The following WNT5A variants were observed in gnomAD, a reference collection of about 807,000 sequenced individuals.
WNT5A encodes the protein Wnt family member 5A, also known as protein Wnt-5a.
Under a neutral mutation model 42.1 loss-of-function variants are expected in WNT5A, and 9 were observed. The ratio of observed to expected loss-of-function variants is 0.21; its 90% confidence interval spans 0.13 to 0.37. WNT5A has a LOEUF of 0.37. Among genes scored for constraint, WNT5A ranks in the 10% least tolerant of loss-of-function variants. The pLI is 1.00. For synonymous variants in WNT5A, 210 were observed against 210.0 expected, an observed-to-expected ratio of 1.00 and a Z score of 0.00; for missense variants, 426 against 534.0, an observed-to-expected ratio of 0.80 and a Z score of 1.99.
intron 3 of WNT5A, among the ~76,000 whole-genome samples, chr3:55,477,307 C>T (rs149893825): frequency 1.3e-5 from 2 of 152,338 alleles, no homozygotes; most frequent in African/African-American, 4.8e-5. Flanking sequence ...TTTCTCTTCT[C>T]TCCTGTCTCT....
chr3:55,482,214 GCGAAGGTTCCCTTC>G (rs1387915073), intron 1 of WNT5A, among the ~76,000 whole-genome samples: 1 of 152,242 alleles, frequency 6.6e-6, no homozygotes, highest in Non-Finnish European at 1.5e-5. Flanking sequence ...GCCCCCAGCG[GCGAAGGTTCCCTTC>G]CTGAAGAATT....
chr3:55,485,361 C>CG (rs1037661106), intron 1 of WNT5A, among the ~76,000 whole-genome samples: 5 of 151,404 alleles, frequency 3.3e-5, no homozygotes, highest in Admixed American at 2.6e-4. Context: ...CCGGAGCGCA[C>CG]GGGGGAGGGG....
At chr3:55,481,464 GAC>G in intron 1 of WNT5A, 2 of 430,830 alleles carry the variant, frequency 4.6e-6, no homozygotes, top group Non-Finnish European at 6.2e-6. Context: ...ATGGGGGCAG[GAC>G]GCGGGAGGGA....
At chr3:55,480,548 T>C (rs941210929) in intron 2 of WNT5A, among the ~76,000 whole-genome samples, 15 of 152,256 alleles carry the variant, frequency 9.9e-5, no homozygotes, top group Admixed American at 6.5e-4. Flanking sequence ...AAGGGCTTCA[T>C]AGAAACAGGC....
At chr3:55,491,608 T>C (rs1254916368), upstream of WNT5A, among the ~76,000 whole-genome samples, 1 of 152,218 alleles carries the variant, frequency 6.6e-6, no homozygotes, top group Non-Finnish European at 1.5e-5. Context: ...GTTGTCATTC[T>C]GGGAAAATCT....
the WNT5A span, among the ~76,000 whole-genome samples, chr3:55,497,871 G>C: frequency 3.3e-5 from 5 of 152,184 alleles, no homozygotes; most frequent in African/African-American, 1.2e-4. Context: ...GAAAAGGATG[G>C]AGAAGGGAAT....
At position 55,480,841 on chromosome 3, in the gene WNT5A, C is replaced by A; in HGVS notation, c.84G>T (p.Val28=). The change falls in exon 2 of 5, where the codon GTG becomes GTT. Residue 28 remains valine, a synonymous_variant. Coordinates refer to ENST00000264634, the MANE Select transcript of WNT5A (RefSeq NM_003392.7). ...GSAMSSKFFL[V]ALAIFFSFAQ... is the part of the protein sequence containing the mutation. ...CGAAGGAGAAAAATATGGCCAAAGCCACTAGGAAGAACTTGGAAGACATTG... is the reference window on the plus strand; with the variant it reads ...CGAAGGAGAAAAATATGGCCAAAGCAACTAGGAAGAACTTGGAAGACATTG... 1 of 1,585,330 alleles carries A rather than the reference C, an allele frequency of 6.3e-7. No individual in the cohort carries two copies. The highest frequency in any genetic ancestry group is 8.6e-7 in the Non-Finnish European group (1 of 1,164,494).
At chr3:55,481,176 T>C in intron 1 of WNT5A, 1 of 663,638 alleles carries the variant, frequency 1.5e-6, no homozygotes, top group Non-Finnish European at 2.0e-6. Context: ...GTGTCTCAAT[T>C]CTGTTGAGTC....
the WNT5A span, among the ~76,000 whole-genome samples, chr3:55,498,990 A>G: frequency 2.6e-5 from 4 of 152,182 alleles, no homozygotes; most frequent in African/African-American, 9.7e-5. Flanking sequence ...CTCGGGTCCA[A>G]TTGTGCCTAA....
chr3:55,483,259 G>A lies in WNT5A; in HGVS notation c.7-2341C>T, dbSNP rs1186048475. On this transcript the variant is annotated intron_variant, in intron 1 of 4. Coordinates refer to ENST00000264634, the MANE Select transcript of WNT5A (RefSeq NM_003392.7). This position sits in a 1 kb window ranked among gnomAD's most constrained non-coding sequence, Gnocchi z 4.2. ...AGGTAGGCAGAGGGTGTCCCAAAGG[G>A]GGATCGGAAAGGAGAGCCTCACGAG... Among the ~76,000 whole-genome samples, 2 of 152,118 alleles carry A rather than the reference G, an allele frequency of 1.3e-5. No individual in the cohort carries two copies. Among genetic ancestry groups the A allele is most frequent in the African/African-American group, 2.4e-5 (1 of 41,422 alleles).
chr3:55,479,586 A>G (rs1487206147), intron 2 of WNT5A, 22 bp from the exon 3 acceptor site: 2 of 1,553,572 alleles, frequency 1.3e-6, no homozygotes, highest in Non-Finnish European at 1.7e-6. Context: ...GGAGATGTGC[A>G]TTCAAGATTT....
rs746452310 is a variant in WNT5A at position 55,486,995 on chromosome 3, G to A, written c.-10C>T. On this transcript the variant is annotated 5_prime_UTR_variant, in exon 1 of 5. Transcript: ENST00000264634. ...GAACACCTACCTTCATGGCGAGGGG[G>A]AGGGGGCGCGGGGAGGAAGTCGCCA... 1 of 1,611,486 alleles carries A rather than the reference G, an allele frequency of 6.2e-7. No individual in the cohort carries two copies. The highest frequency in any genetic ancestry group is 1.1e-5 in the South Asian group (1 of 90,936).
intron 1 of WNT5A, among the ~76,000 whole-genome samples, chr3:55,484,486 AT>A (rs987541412): frequency 6.6e-5 from 10 of 152,282 alleles, no homozygotes; most frequent in Middle Eastern, 3.4e-3. Context: ...GGAGGAGGGA[AT>A]TGCCAGATAG....
rs767520445 is a variant in WNT5A, at chr3:55,487,017, G to T, written c.-32C>A. The T allele has an allele frequency of 2.5e-6, 4 of 1,608,566 alleles. No individual in the cohort carries two copies. The highest frequency in any genetic ancestry group is 4.5e-5 in the East Asian group (2 of 44,852). ...GGGGAGGGGGCGCGGGGAGGAAGTC[G>T]CCACCCGAGCGAGCGCAGCCGAGGA... is the stretch of plus-strand genomic sequence containing the variant. On this transcript the variant is annotated 5_prime_UTR_variant, in exon 1 of 5. Transcript: ENST00000264634.
At chr3:55,481,477 A>C (rs2051462225) in intron 1 of WNT5A, 7 of 127,584 alleles carry the variant, frequency 5.5e-5, no homozygotes, top group East Asian at 2.5e-4. Context: ...GCGGGAGGGA[A>C]GGGCAGGGGG....
chr3:55,482,598 G>C (rs945737384), intron 1 of WNT5A, among the ~76,000 whole-genome samples: 1 of 152,144 alleles, frequency 6.6e-6, no homozygotes, highest in Admixed American at 6.5e-5. Flanking sequence ...TGGACGCTTC[G>C]GGGCTTCTCA....
At chr3:55,497,941 TTTGTCCTCTAC>T in the WNT5A span, among the ~76,000 whole-genome samples, 1 of 152,168 alleles carries the variant, frequency 6.6e-6, no homozygotes, top group South Asian at 2.1e-4. Flanking sequence ...GAGAATTACA[TTTGTCCTCTAC>T]TTGTCATCTA....
At chr3:55,480,146 G>C (rs1291573903) in intron 2 of WNT5A, among the ~76,000 whole-genome samples, 1 of 152,174 alleles carries the variant, frequency 6.6e-6, no homozygotes, top group Non-Finnish European at 1.5e-5. Flanking sequence ...ATGTTTGACA[G>C]TCAGAAAAAT....
rs949619103 is a variant in WNT5A at position 55,468,302 on chromosome 3, G to A, written c.*1790C>T. Reference sequence around the variant, plus strand: ...TTCTGAGTTTTGAATATCTCTTAACGTCCATGTCTATAACGAACAAGTAAT... The same window carrying A: ...TTCTGAGTTTTGAATATCTCTTAACATCCATGTCTATAACGAACAAGTAAT... On this transcript the variant is annotated 3_prime_UTR_variant, in exon 5 of 5. Transcript: ENST00000264634. 1.3e-4 allele frequency: 20 copies of A among 152,178 alleles called. No homozygotes were observed. The highest frequency in any genetic ancestry group is 2.1e-4 in the South Asian group (1 of 4,814). The allele number at this position is 152,178 out of a possible 1,614,324, so 9.4% of individuals were successfully genotyped here. A position where few individuals can be genotyped will look rare whatever the true frequency, so the allele number is the denominator to read the frequency against.
Sources: gnomAD v4.1 joint callset for allele counts (sites outside exome capture counted in the v4.1 genomes callset) on GRCh38, gnomAD v4.1.1 for gene constraint, Gnocchi (gnomAD v3.1) non-coding constraint, MANE v1.5 for transcripts, NCBI Gene and HGNC (gene_info 2026-07-23, HGNC 2026-07-21) for gene names.